The following UBE3D variants were observed in gnomAD, a reference collection of about 807,000 sequenced individuals.
UBE3D encodes the protein E3 ubiquitin-protein ligase E3D.
A neutral mutation model predicts 49.6 loss-of-function variants in UBE3D; 48 were observed. That is an observed-to-expected ratio of 0.97 (90% CI 0.77 to 1.23). UBE3D has a LOEUF of 1.23. Ranked by LOEUF, UBE3D falls within the 50% of genes most tolerant of loss-of-function variation. The pLI is 0.00. For missense variants in UBE3D, 452 were observed against 468.4 expected (o/e 0.96, Z 0.32); for synonymous variants, 189 against 174.2 (o/e 1.08, Z -0.67).
rs541161146 is a variant in UBE3D, at chr6:82,934,321, G to A, written c.1149+22991C>T. On this transcript the variant is annotated intron_variant, in intron 9 of 9. Transcript: ENST00000369747. Reference sequence around the variant, plus strand: ...CTAAGGCGGTTCTTTATAGCAGTGTGAGAATGGACTAATACAATGAGGACA... The same window carrying A: ...CTAAGGCGGTTCTTTATAGCAGTGTAAGAATGGACTAATACAATGAGGACA... Among the ~76,000 whole-genome samples the A allele has an allele frequency of 5.3e-5, 8 of 152,286 alleles. No individual in the cohort carries two copies. The South Asian group carries it at 1.2e-3, about 24-fold the overall frequency.
At chr6:82,941,723 TAGTG>T (rs1441933984) in intron 9 of UBE3D, among the ~76,000 whole-genome samples, 1 of 152,180 alleles carries the variant, frequency 6.6e-6, no homozygotes, top group African/African-American at 2.4e-5. Context: ...GCTCTCGTGA[TAGTG>T]AGTGAGTTCT....
chr6:82,982,735 A>G (rs1054789673), intron 8 of UBE3D, among the ~76,000 whole-genome samples: 14 of 152,178 alleles, frequency 9.2e-5, no homozygotes, highest in African/African-American at 3.4e-4. Context: ...TTAGTATCCA[A>G]AGATGATCAT....
chr6:82,885,957 A>G, the UBE3D span, among the ~76,000 whole-genome samples: 1 of 152,224 alleles, frequency 6.6e-6, no homozygotes, highest in East Asian at 1.9e-4. Flanking sequence ...TTCTCTGTCC[A>G]TTGGGAGGGC....
At chr6:83,065,499 C>T in intron 1 of UBE3D, 143 bp downstream of exon 1, 2 of 741,412 alleles carry the variant, frequency 2.7e-6, no homozygotes, top group Admixed American at 3.0e-5. Flanking sequence ...CAGGGGAAAG[C>T]TTCACTTTGA....
intron 9 of UBE3D, among the ~76,000 whole-genome samples, chr6:82,919,284 CT>C (rs1253009848): frequency 6.6e-6 from 1 of 151,914 alleles, no homozygotes; most frequent in East Asian, 1.9e-4. Context: ...GTGACCCATG[CT>C]CTTCTTCAGT....
chr6:82,936,584 C>T (rs905196311), intron 9 of UBE3D, among the ~76,000 whole-genome samples: 1 of 152,130 alleles, frequency 6.6e-6, no homozygotes, highest in Non-Finnish European at 1.5e-5. Flanking sequence ...CCAATTTAGT[C>T]TGTGCTCTGT....
At chr6:82,905,201 A>C (rs907655864) in intron 9 of UBE3D, among the ~76,000 whole-genome samples, 1 of 152,136 alleles carries the variant, frequency 6.6e-6, no homozygotes, top group Admixed American at 6.5e-5. Flanking sequence ...AGCATTTTTT[A>C]CAAATTGAAG....
intron 3 of UBE3D, among the ~76,000 whole-genome samples, chr6:83,047,068 A>T (rs920440949): frequency 2.0e-5 from 3 of 152,238 alleles, no homozygotes; most frequent in African/African-American, 7.2e-5. Context: ...TATTTGTTGA[A>T]GAAATGAACT....
intron 7 of UBE3D, among the ~76,000 whole-genome samples, chr6:83,020,792 C>T (rs1781038555): frequency 6.6e-6 from 1 of 152,112 alleles, no homozygotes; most frequent in African/African-American, 2.4e-5. Context: ...AACTTCAGGC[C>T]CTTCCCTCCT....
intron 9 of UBE3D, among the ~76,000 whole-genome samples, chr6:82,941,603 C>G (rs1344754522): frequency 2.0e-5 from 3 of 152,110 alleles, no homozygotes; most frequent in Non-Finnish European, 4.4e-5. Flanking sequence ...CAGTTTGGCT[C>G]TGTGTCCCCA....
At chr6:82,936,906 G>A (rs1045084937) in intron 9 of UBE3D, among the ~76,000 whole-genome samples, 6 of 152,152 alleles carry the variant, frequency 3.9e-5, no homozygotes, top group African/African-American at 1.4e-4. Flanking sequence ...TCAGTTTAGC[G>A]CAGGAGGAAT....
chr6:82,897,682 A>T (rs1024143322), intron 9 of UBE3D, among the ~76,000 whole-genome samples: 3 of 151,924 alleles, frequency 2.0e-5, no homozygotes, highest in African/African-American at 7.2e-5. Context: ...AAATGTAAAA[A>T]CAAAAATAAA....
At chr6:82,923,253 C>T (rs949314855) in intron 9 of UBE3D, among the ~76,000 whole-genome samples, 3 of 152,110 alleles carry the variant, frequency 2.0e-5, no homozygotes, top group African/African-American at 4.8e-5. Flanking sequence ...TAAAGACACA[C>T]GTACACGTAT....
intron 9 of UBE3D, among the ~76,000 whole-genome samples, chr6:82,956,472 G>C (rs145939440): frequency 6.6e-6 from 1 of 152,170 alleles, no homozygotes; most frequent in African/African-American, 2.4e-5. Flanking sequence ...GTTAGACTAG[G>C]AGAACAAATA....
At chr6:82,946,445 C>T (rs1775409717) in intron 9 of UBE3D, among the ~76,000 whole-genome samples, 2 of 152,014 alleles carry the variant, frequency 1.3e-5, no homozygotes, top group South Asian at 4.1e-4. Context: ...GAAATAAAGA[C>T]TTTCCCAGAC....
At position 82,942,058 on chromosome 6, in the gene UBE3D, A is replaced by G. The variant is rs145073924; in HGVS notation, c.1149+15254T>C. Among the ~76,000 whole-genome samples the G allele has an allele frequency of 3.9e-3, 591 of 152,326 alleles. 2 individuals are homozygous for G. The highest frequency in any genetic ancestry group is 0.017 in the Middle Eastern group (5 of 294). ...GGAACAGTTTGGAGGGCTCAGAGGA[A>G]GACAGGAAGATGTGAGAAAGTTTGG... On this transcript the variant is annotated intron_variant, in intron 9 of 9. Coordinates refer to ENST00000369747, the MANE Select transcript of UBE3D (RefSeq NM_198920.3).
At chr6:82,986,596 ACAT>A (rs1342838432) in intron 8 of UBE3D, among the ~76,000 whole-genome samples, 1 of 149,052 alleles carries the variant, frequency 6.7e-6, no homozygotes, top group African/African-American at 2.5e-5. Context: ...GTGTTATTGT[ACAT>A]GGGGTCTTCC....
intron 3 of UBE3D, among the ~76,000 whole-genome samples, chr6:83,052,353 A>G (rs756672128): frequency 2.0e-5 from 3 of 152,172 alleles, no homozygotes; most frequent in Non-Finnish European, 2.9e-5. Flanking sequence ...GGACAACAAG[A>G]TTATCTGCAC....
At chr6:83,028,184 A>G (rs750228432) in intron 5 of UBE3D, among the ~76,000 whole-genome samples, 7 of 152,204 alleles carry the variant, frequency 4.6e-5, no homozygotes, top group Non-Finnish European at 8.8e-5. Context: ...TTTGCTAAAT[A>G]TGCTAAGCAT....
Sources: allele counts gnomAD v4.1 joint callset (sites outside exome capture counted in the v4.1 genomes callset), GRCh38; gene constraint gnomAD v4.1.1; transcripts MANE v1.5; gene names NCBI Gene and HGNC (gene_info 2026-07-23, HGNC 2026-07-21).